APBA2: variants seen among roughly 807,000 people sequenced by gnomAD.
The protein encoded by APBA2 is amyloid beta precursor protein binding family A member 2, also known as amyloid-beta A4 precursor protein-binding family A member 2.
Under a neutral mutation model 75.0 loss-of-function variants are expected in APBA2, and 30 were observed. The ratio of observed to expected loss-of-function variants is 0.40; its 90% CI spans 0.30 to 0.54. APBA2 has a LOEUF of 0.54. Among genes scored for constraint, APBA2 ranks in the 20% least tolerant of loss-of-function variants. The pLI is 0.49. For missense variants in APBA2, 801 were observed against 1,016.1 expected (o/e 0.79, Z 2.88); for synonymous variants, 444 against 409.6 (o/e 1.08, Z -1.01).
intron 3 of APBA2, among the ~76,000 whole-genome samples, chr15:29,029,183 T>C (rs2040367770): frequency 6.6e-6 from 1 of 152,114 alleles, no homozygotes; most frequent in African/African-American, 2.4e-5. Flanking sequence ...TTAATTTTTG[T>C]ATGAGGTGTA....
rs371038148 is a variant in APBA2, at chr15:29,018,312, C to T, written c.-41+22506C>T. Among the ~76,000 whole-genome samples, 16 of 152,220 alleles carry T rather than the reference C, an allele frequency of 1.1e-4. No homozygotes were observed. The South Asian group carries it at 1.9e-3, about 18-fold the overall frequency. On this transcript the variant is annotated intron_variant, in intron 3 of 14. Transcript: ENST00000683413. ...GAGAGTTGGTATAATTACCGTGCAG[C>T]GAAACCACTCTGCGTTTTACTGTGC...
intron 2 of APBA2, among the ~76,000 whole-genome samples, chr15:28,953,348 T>C (rs2035991326): frequency 6.6e-6 from 1 of 152,182 alleles, no homozygotes; most frequent in South Asian, 2.1e-4. Flanking sequence ...CACTCAGCAT[T>C]GAAACAGCTG....
intron 6 of APBA2, among the ~76,000 whole-genome samples, chr15:29,076,368 T>C (rs1042128946): frequency 6.6e-6 from 1 of 152,102 alleles, no homozygotes; most frequent in Non-Finnish European, 1.5e-5. Flanking sequence ...GATGACTGAA[T>C]AGATTGAGAT....
rs547794143 is a variant in APBA2, at chr15:29,029,962, A to G, written c.-40-23883A>G. Among the ~76,000 whole-genome samples the G allele has an allele frequency of 3.9e-4, 60 of 152,314 alleles. 1 individual carries two copies. The highest frequency in any genetic ancestry group is 2.5e-3 in the East Asian group (13 of 5,170). On this transcript the variant is annotated intron_variant, in intron 3 of 14. Coordinates refer to ENST00000683413, the MANE Select transcript of APBA2 (RefSeq NM_001353788.2). ...GGACTCTCCAGACCACGCGGGCTAC[A>G]TGGGGTTTGTCGAGGGAGTCCAGAG... is the stretch of plus-strand genomic sequence containing the variant.
rs999607481 is a variant in APBA2 at position 29,117,307 on chromosome 15, G to GGTAT, written c.*177_*180dup. On this transcript the variant is annotated 3_prime_UTR_variant, in exon 15 of 15. Coordinates refer to ENST00000683413, the MANE Select transcript of APBA2 (RefSeq NM_001353788.2). ...GATTTTTTTCATTTTGCCAAAAAGG[G>GGTAT]GTATGTCTTTATCAAAGGAGAGTCA... 4.0e-5 allele frequency: 25 copies of GGTAT among 625,936 alleles called. No homozygotes were observed. Among genetic ancestry groups the GGTAT allele is most frequent in the South Asian group, 2.6e-4 (14 of 53,702 alleles). 38.8% of individuals were successfully genotyped at this position (625,936 alleles called of 1,614,324 possible).
At chr15:29,107,847 A>G (rs2152974279) in intron 12 of APBA2, among the ~76,000 whole-genome samples, 1 of 152,254 alleles carries the variant, frequency 6.6e-6, no homozygotes, top group Admixed American at 6.5e-5. Context: ...CTTGGAGGGC[A>G]TTGGGTTTTG....
chr15:28,989,333 T>C (rs755374827), intron 2 of APBA2, among the ~76,000 whole-genome samples: 1 of 152,216 alleles, frequency 6.6e-6, no homozygotes, highest in Non-Finnish European at 1.5e-5. Flanking sequence ...AGTGTCCTCA[T>C]CTGCAAAATG....
chr15:29,066,611 G>A (rs1351447105), intron 4 of APBA2, among the ~76,000 whole-genome samples: 1 of 152,132 alleles, frequency 6.6e-6, no homozygotes, highest in Non-Finnish European at 1.5e-5. Flanking sequence ...GAAGATGGAA[G>A]CATTCTGGAG....
rs919722695 is a variant in APBA2 at position 28,902,865 on chromosome 15, C to T, written c.-205+16587C>T. Among the ~76,000 whole-genome samples, 29 of 152,284 alleles carry T rather than the reference C, an allele frequency of 1.9e-4. 1 individual carries two copies. Among genetic ancestry groups the T allele is most frequent in the African/African-American group, 6.7e-4 (28 of 41,546 alleles). ...ACCTTTGTCATCCTTTTCGGTTCCT[C>T]TTTACTGTTCCCATGAAAACTGGGG... On this transcript the variant is annotated intron_variant, in intron 1 of 14. Coordinates refer to ENST00000683413, the MANE Select transcript of APBA2 (RefSeq NM_001353788.2).
At chr15:28,961,756 G>A (rs1380384668) in intron 2 of APBA2, among the ~76,000 whole-genome samples, 1 of 152,148 alleles carries the variant, frequency 6.6e-6, no homozygotes, top group Non-Finnish European at 1.5e-5. Flanking sequence ...ATTTCCAGCT[G>A]CCATTTCTAA....
Position 28,930,686 on chromosome 15 carries a change from T to C in APBA2, c.-95+8937T>C, listed in dbSNP as rs150746424. Among the ~76,000 whole-genome samples the C allele has an allele frequency of 1.9e-3, 287 of 152,264 alleles. 1 individual carries two copies. Among genetic ancestry groups the C allele is most frequent in the African/African-American group, 6.7e-3 (280 of 41,554 alleles). On this transcript the variant is annotated intron_variant, in intron 2 of 14. Transcript: ENST00000683413. ...CCACAAGTGGGCTGGGTGGCACTTC[T>C]GGGGTCCAGCAGATGTTTCACTTGG...
At chr15:28,914,699 G>C (rs2033585492) in intron 1 of APBA2, among the ~76,000 whole-genome samples, 1 of 152,012 alleles carries the variant, frequency 6.6e-6, no homozygotes, top group African/African-American at 2.4e-5. Context: ...AGGATTCCTG[G>C]GCTGCACGAC....
At chr15:29,055,985 TTTAGGCCAAAGCAAAGTGTTTC>T (rs1205157830) in intron 4 of APBA2, among the ~76,000 whole-genome samples, 10 of 152,170 alleles carry the variant, frequency 6.6e-5, no homozygotes, top group African/African-American at 2.4e-4. Flanking sequence ...GGGTCTGGGC[TTTAGGCCAAAGCAAAGTGTTTC>T]TTTGGTCTTT....
chr15:29,099,332 C>G (rs961230047), intron 9 of APBA2, among the ~76,000 whole-genome samples: 1 of 152,166 alleles, frequency 6.6e-6, no homozygotes, highest in Non-Finnish European at 1.5e-5. Flanking sequence ...TTTATTTCAG[C>G]AGATGGCTCC....
chr15:29,098,720 G>A (rs77895254), intron 9 of APBA2, 144 bp downstream of exon 9: 7,854 of 759,212 alleles, frequency 0.01, 104 homozygotes, highest in African/African-American at 0.049. Context: ...CCCGGGCTGC[G>A]GGAGGAGCAA....
chr15:28,957,985 A>G (rs147009074), intron 2 of APBA2, among the ~76,000 whole-genome samples: 1 of 152,182 alleles, frequency 6.6e-6, no homozygotes, highest in South Asian at 2.1e-4. Flanking sequence ...AGGAGCCGAG[A>G]CAGGCGGGGG....
intron 2 of APBA2, among the ~76,000 whole-genome samples, chr15:28,931,156 G>A (rs991733127): frequency 2.0e-5 from 3 of 152,322 alleles, no homozygotes; most frequent in East Asian, 1.9e-4. Flanking sequence ...CTGGTACCCC[G>A]TAGGCCAGAA....
chr15:29,017,262 T>C (rs1423148865), intron 3 of APBA2, among the ~76,000 whole-genome samples: 1 of 152,136 alleles, frequency 6.6e-6, no homozygotes, highest in African/African-American at 2.4e-5. Context: ...ATTTTCTCTA[T>C]TTTAATTTCT....
At chr15:29,094,400 C>T in intron 8 of APBA2, 87 bp downstream of exon 8, 1 of 1,268,120 alleles carries the variant, frequency 7.9e-7, no homozygotes, top group South Asian at 1.2e-5. Flanking sequence ...GGGGGTTCCC[C>T]TGGGGATCTA....
Sources: gnomAD v4.1 joint callset for allele counts (sites outside exome capture counted in the v4.1 genomes callset) on GRCh38, gnomAD v4.1.1 for gene constraint, MANE v1.5 for transcripts, NCBI Gene and HGNC (gene_info 2026-07-23, HGNC 2026-07-21) for gene names.